The following ZFAND3 variants were observed in gnomAD, a reference collection of about 807,000 sequenced individuals.
The protein encoded by ZFAND3 is zinc finger AN1-type containing 3.
Under a neutral mutation model 29.6 loss-of-function variants are expected in ZFAND3, and 10 were observed. That is an observed-to-expected ratio of 0.34 (90% CI 0.21 to 0.57). The LOEUF is 0.57. Among genes scored for constraint, ZFAND3 ranks in the 20% least tolerant of loss-of-function variants. ZFAND3 has a pLI of 0.86. For missense variants in ZFAND3, 230 were observed against 304.5 expected (o/e 0.76, Z 1.82); for synonymous variants, 128 against 112.6 (o/e 1.14, Z -0.87).
chr6:37,877,265 G>A (rs966910286), intron 1 of ZFAND3, among the ~76,000 whole-genome samples: 4 of 152,154 alleles, frequency 2.6e-5, no homozygotes, highest in African/African-American at 9.7e-5. Flanking sequence ...CCTTAGTGCA[G>A]CATTGTCATT....
At chr6:38,019,353 G>A (rs1489919624) in intron 2 of ZFAND3, among the ~76,000 whole-genome samples, 1 of 152,174 alleles carries the variant, frequency 6.6e-6, no homozygotes, top group Non-Finnish European at 1.5e-5. Flanking sequence ...TCAGATTTCT[G>A]TGAATTTTGT....
At chr6:38,135,165 A>G (rs1355986170) in intron 5 of ZFAND3, among the ~76,000 whole-genome samples, 2 of 152,210 alleles carry the variant, frequency 1.3e-5, no homozygotes, top group Non-Finnish European at 2.9e-5. Flanking sequence ...CAAGCCCTGG[A>G]TAAGTTGGGA....
At chr6:37,943,982 T>A (rs1761855836) in intron 2 of ZFAND3, among the ~76,000 whole-genome samples, 1 of 152,212 alleles carries the variant, frequency 6.6e-6, no homozygotes. Flanking sequence ...GCAACAACCC[T>A]TTAATTTGTA....
intron 1 of ZFAND3, among the ~76,000 whole-genome samples, chr6:37,848,604 GT>G (rs1421007138): frequency 1.3e-5 from 2 of 152,136 alleles, no homozygotes; most frequent in Admixed American, 6.5e-5. Flanking sequence ...TTTCTGGTAA[GT>G]TTTTAATTAG....
chr6:38,014,851 CT>C (rs1438163824), intron 2 of ZFAND3, among the ~76,000 whole-genome samples: 1 of 152,202 alleles, frequency 6.6e-6, no homozygotes, highest in Non-Finnish European at 1.5e-5. Context: ...TTCTCTGTCT[CT>C]TCTTTTTGCC....
chr6:37,834,536 A>G (rs1561904695), intron 1 of ZFAND3, among the ~76,000 whole-genome samples: 1 of 152,204 alleles, frequency 6.6e-6, no homozygotes, highest in African/African-American at 2.4e-5. Context: ...CTGCTGGATC[A>G]TATGATAAGA....
chr6:38,152,322 T>C lies in ZFAND3; in HGVS notation c.617T>C (p.Met206Thr). The C allele has an allele frequency of 1.2e-6, 2 of 1,610,540 alleles. No homozygotes were observed. Among genetic ancestry groups the C allele is most frequent in the Non-Finnish European group, 1.7e-6 (2 of 1,178,584 alleles). Reference sequence around the variant, plus strand: ...GGCCGTGGCCGGGAGGAAGCCATCATGAAAATGGTGAAGCTGGACCGGAAA... The same window carrying C: ...GGCCGTGGCCGGGAGGAAGCCATCACGAAAATGGTGAAGCTGGACCGGAAA... Reference protein sequence around the residue: ...HMGRGREEAIMKMVKLDRKVG... With the variant: ...HMGRGREEAITKMVKLDRKVG... Residue 206 changes from methionine to threonine, a missense_variant, in exon 6 of 6, where the codon ATG (methionine) becomes ACG (threonine). Physicochemically the swap from Met to Thr is moderately conservative, Grantham distance 81 (BLOSUM62 -1). Around this residue, in one of 2 missense-constraint regions of ZFAND3, gnomAD observed 50 missense variants for 102.0 expected, o/e 0.49. Coordinates refer to ENST00000287218, the MANE Select transcript of ZFAND3 (RefSeq NM_021943.3).
chr6:37,981,305 T>C (rs756330973), intron 2 of ZFAND3, among the ~76,000 whole-genome samples: 1 of 152,244 alleles, frequency 6.6e-6, no homozygotes, highest in Non-Finnish European at 1.5e-5. Context: ...TCAACAGTTA[T>C]AAATCACAGT....
chr6:38,111,002 A>G (rs1025482557), intron 4 of ZFAND3, among the ~76,000 whole-genome samples: 1 of 152,224 alleles, frequency 6.6e-6, no homozygotes, highest in Non-Finnish European at 1.5e-5. Context: ...GAACATGAGT[A>G]ATAAAGACAA....
intron 4 of ZFAND3, among the ~76,000 whole-genome samples, chr6:38,097,248 C>CTT (rs1491155525): frequency 1.9e-4 from 23 of 124,082 alleles, no homozygotes; most frequent in African/African-American, 4.8e-4. Flanking sequence ...GTTAATTTTT[C>CTT]ATTTTTTTTT....
intron 4 of ZFAND3, among the ~76,000 whole-genome samples, chr6:38,085,687 G>C (rs996236501): frequency 1.3e-5 from 2 of 151,844 alleles, no homozygotes; most frequent in African/African-American, 4.8e-5. Flanking sequence ...CAGTCCTCTC[G>C]CCTTGACCTC....
intron 2 of ZFAND3, among the ~76,000 whole-genome samples, chr6:37,935,174 C>T (rs1761675729): frequency 6.6e-6 from 1 of 152,136 alleles, no homozygotes; most frequent in Non-Finnish European, 1.5e-5. Flanking sequence ...AACAGCTTTG[C>T]ATTTTGAAGT....
At chr6:37,844,297 C>A (rs1312814795) in intron 1 of ZFAND3, among the ~76,000 whole-genome samples, 1 of 150,872 alleles carries the variant, frequency 6.6e-6, no homozygotes. Context: ...TCTTTCTTGT[C>A]TTTCTTTCTT....
chr6:37,868,678 G>A (rs1764634615), intron 1 of ZFAND3, among the ~76,000 whole-genome samples: 1 of 152,190 alleles, frequency 6.6e-6, no homozygotes, highest in Non-Finnish European at 1.5e-5. Flanking sequence ...TGTGGGTGTT[G>A]ATGAGTTGTT....
chr6:38,042,402 C>G (rs1361394008), intron 2 of ZFAND3, among the ~76,000 whole-genome samples: 2 of 150,702 alleles, frequency 1.3e-5, no homozygotes, highest in Non-Finnish European at 1.5e-5. Flanking sequence ...GCAACTCCAC[C>G]TCCCGGGTTC....
intron 3 of ZFAND3, among the ~76,000 whole-genome samples, chr6:38,076,485 A>G (rs1471162110): frequency 1.3e-5 from 2 of 152,180 alleles, no homozygotes; most frequent in African/African-American, 2.4e-5. Context: ...TATTAGCAAA[A>G]TAGATAAGCT....
chr6:37,864,548 T>C (rs907075433), intron 1 of ZFAND3, among the ~76,000 whole-genome samples: 1 of 152,178 alleles, frequency 6.6e-6, no homozygotes, highest in South Asian at 2.1e-4. Flanking sequence ...ATGAGGATTA[T>C]GGATTTTTCT....
At chr6:38,104,662 G>GTGGA (rs1361461973) in intron 4 of ZFAND3, among the ~76,000 whole-genome samples, 1 of 152,178 alleles carries the variant, frequency 6.6e-6, no homozygotes, top group Non-Finnish European at 1.5e-5. Flanking sequence ...AGAAAATCAT[G>GTGGA]TGAGAAGTCT....
At chr6:37,869,277 C>A (rs954605893) in intron 1 of ZFAND3, among the ~76,000 whole-genome samples, 1 of 152,156 alleles carries the variant, frequency 6.6e-6, no homozygotes, top group Non-Finnish European at 1.5e-5. Flanking sequence ...GATTCTCCTA[C>A]CTCAGCCTCC....
Sources: gnomAD v4.1 joint callset for allele counts (sites outside exome capture counted in the v4.1 genomes callset) on GRCh38, gnomAD v4.1.1 for gene constraint, gnomAD v4.1.1 regional missense constraint, MANE v1.5 for transcripts, NCBI Gene and HGNC (gene_info 2026-07-23, HGNC 2026-07-21) for gene names.